Variants in DACH2 observed in about 807,000 individuals in gnomAD.
DACH2 encodes dachshund homolog 2.
DACH2 carries 17 observed loss-of-function variants against 35.8 expected under a neutral mutation model. The ratio of observed to expected loss-of-function variants is 0.48; its 90% CI spans 0.33 to 0.71. The LOEUF is 0.71. DACH2 is among the 30% of genes least tolerant of loss of function. The pLI is 0.02. For missense variants in DACH2, 469 were observed against 472.7 expected (o/e 0.99, Z 0.07); for synonymous variants, 195 against 177.3 (o/e 1.10, Z -0.79).
intron 4 of DACH2, among the ~76,000 whole-genome samples, chrX:86,678,463 C>T (rs914928833): frequency 2.7e-5 from 3 of 112,148 alleles, no homozygotes; most frequent in African/African-American, 9.7e-5. Context: ...TTTACAATTA[C>T]TACAGTTTTC....
intron 1 of DACH2, among the ~76,000 whole-genome samples, chrX:86,272,173 T>A (rs1251041648): frequency 1.9e-5 from 2 of 105,559 alleles, no homozygotes; most frequent in Admixed American, 1.1e-4. Flanking sequence ...TCATTCTTTT[T>A]AATGGCTGAA....
At chrX:86,701,428 A>G (rs977455702) in intron 5 of DACH2, among the ~76,000 whole-genome samples, 25 of 111,599 alleles carry the variant, frequency 2.2e-4, no homozygotes, top group African/African-American at 7.8e-4. Flanking sequence ...AAAGCTGGAA[A>G]CATTCCCTTT....
chrX:86,610,348 TTC>T (rs1491365530), intron 3 of DACH2, among the ~76,000 whole-genome samples: 15 of 101,886 alleles, frequency 1.5e-4, no homozygotes, highest in African/African-American at 4.5e-4. Context: ...TTCTTTCTCC[TTC>T]CTTCCTTCCT....
intron 3 of DACH2, among the ~76,000 whole-genome samples, chrX:86,603,460 T>A (rs2039817559): frequency 9.1e-6 from 1 of 110,154 alleles, no homozygotes; most frequent in South Asian, 3.9e-4. Flanking sequence ...AAAGTGTTCA[T>A]CCATTTTAGC....
intron 1 of DACH2, among the ~76,000 whole-genome samples, chrX:86,254,803 TATATAGAGAGAG>T (rs1311072507): frequency 1.5e-5 from 1 of 65,164 alleles, no homozygotes; most frequent in Non-Finnish European, 2.6e-5. Flanking sequence ...TATATATATA[TATATAGAGAGAG>T]AGAGAGAGAG....
intron 3 of DACH2, among the ~76,000 whole-genome samples, chrX:86,523,884 T>C (rs2038594389): frequency 9.0e-6 from 1 of 111,383 alleles, no homozygotes; most frequent in Non-Finnish European, 1.9e-5. Flanking sequence ...GTTAGAATAA[T>C]ACACCTATAT....
chrX:86,651,122 CA>C lies in DACH2; in HGVS notation c.731del (p.Asn244MetfsTer44), dbSNP rs2040473613. The C allele has an allele frequency of 8.3e-7, 1 of 1,207,649 alleles. No individual in the cohort carries two copies. Among genetic ancestry groups the C allele is most frequent in the African/African-American group, 1.8e-5 (1 of 57,057 alleles). On this transcript the variant is annotated frameshift_variant, in exon 4 of 12. Coordinates refer to ENST00000373125, the MANE Select transcript of DACH2 (RefSeq NM_053281.3). LOFTEE classifies it high-confidence loss of function. ...GAACACTCTTCAGGGAAATGGAAGC[CA>C]AAATGGGACCGAATCAGAGCCTGAT... Reference protein sequence around the residue: ...AMNTLQGNGSQNGTESEPDDL... With the variant: ...AMNTLQGNGSXNGTESEPDDL...
At chrX:86,457,108 C>T (rs1475444670) in intron 2 of DACH2, among the ~76,000 whole-genome samples, 1 of 111,083 alleles carries the variant, frequency 9.0e-6, no homozygotes, top group Non-Finnish European at 1.9e-5. Flanking sequence ...TCTTCTACAC[C>T]TGTGGAATAG....
chrX:86,258,288 C>T (rs1306404894), intron 1 of DACH2, among the ~76,000 whole-genome samples: 2 of 111,903 alleles, frequency 1.8e-5, no homozygotes, highest in East Asian at 5.6e-4. Flanking sequence ...ACATTCTAAA[C>T]TTCCCAGATG....
At chrX:86,205,482 CTCCTTCCCTCCT>C (rs1290825988) in intron 1 of DACH2, among the ~76,000 whole-genome samples, 195 of 43,386 alleles carry the variant, frequency 4.5e-3, no homozygotes, top group African/African-American at 0.023. Context: ...CCCTCCTTCC[CTCCTTCCCTCCT>C]TCCTTCCTTC....
chrX:86,586,521 G>A (rs567872809), intron 3 of DACH2, among the ~76,000 whole-genome samples: 2 of 111,201 alleles, frequency 1.8e-5, no homozygotes, highest in African/African-American at 6.5e-5. Context: ...TGCCTAGGTT[G>A]TCTTTCAGGG....
intron 10 of DACH2, among the ~76,000 whole-genome samples, chrX:86,815,748 G>A (rs1401682371): frequency 5.6e-5 from 6 of 107,649 alleles, no homozygotes; most frequent in Non-Finnish European, 1.2e-4. Context: ...ATAGTCTTAG[G>A]AGGTTTTAAT....
intron 3 of DACH2, among the ~76,000 whole-genome samples, chrX:86,606,658 T>A (rs2039862402): frequency 9.0e-6 from 1 of 111,490 alleles, no homozygotes; most frequent in African/African-American, 3.3e-5. Flanking sequence ...AGCAAAAGAA[T>A]GTGTATTCTG....
intron 2 of DACH2, among the ~76,000 whole-genome samples, chrX:86,445,783 A>G (rs962721936): frequency 8.1e-5 from 9 of 110,865 alleles, no homozygotes; most frequent in Non-Finnish European, 1.7e-4. Flanking sequence ...ATAATATATG[A>G]TCTATCCTAG....
At chrX:86,812,699 T>C (rs2042406070) in intron 7 of DACH2, among the ~76,000 whole-genome samples, 157 bp from the exon 8 acceptor site, 1 of 112,176 alleles carries the variant, frequency 8.9e-6, no homozygotes, top group Admixed American at 9.5e-5. Context: ...TTTTTGAAAT[T>C]AGAGGCAGCT....
chrX:86,271,464 G>A (rs996882342), intron 1 of DACH2, among the ~76,000 whole-genome samples: 2 of 111,530 alleles, frequency 1.8e-5, no homozygotes, highest in African/African-American at 6.5e-5. Context: ...TTTGCTCATA[G>A]CAGAATTTCA....
At chrX:86,667,438 GAAA>G (rs1245102954) in intron 4 of DACH2, among the ~76,000 whole-genome samples, 1 of 77,016 alleles carries the variant, frequency 1.3e-5, no homozygotes, top group Non-Finnish European at 2.6e-5. Context: ...AGAAAAGAAA[GAAA>G]GAAGAAAGAG....
In DACH2 at chrX:86,803,970, CT is replaced by C. The variant is rs759521029; in HGVS notation, c.1241-8884del. On this transcript the variant is annotated intron_variant, in intron 7 of 11. Coordinates refer to ENST00000373125, the MANE Select transcript of DACH2 (RefSeq NM_053281.3). The stretch of plus-strand genomic sequence containing the variant: ...AATGCATAAACACTCTAAAACACAC[CT>C]TGTAAAGCATTTTGTTAGTTCTAAA... 2.7e-5 allele frequency among the ~76,000 whole-genome samples: 3 copies of C among 111,107 alleles called. No individual in the cohort carries two copies. The East Asian group carries it at 8.5e-4, about 31-fold the overall frequency.
chrX:86,515,987 G>A (rs2038460757), intron 3 of DACH2, among the ~76,000 whole-genome samples: 1 of 112,253 alleles, frequency 8.9e-6, no homozygotes, highest in Non-Finnish European at 1.9e-5. Context: ...TTGATTAAAT[G>A]TAGAGGCTAA....
Sources: allele counts gnomAD v4.1 joint callset (sites outside exome capture counted in the v4.1 genomes callset), GRCh38; gene constraint gnomAD v4.1.1; transcripts MANE v1.5; gene names NCBI Gene and HGNC (gene_info 2026-07-23, HGNC 2026-07-21).